Variants in CAMK1 observed in about 807,000 individuals in gnomAD.
CAMK1 encodes calcium/calmodulin-dependent protein kinase type 1.
Under a neutral mutation model 49.1 loss-of-function variants are expected in CAMK1, and 39 were observed. The observed-to-expected ratio is 0.79, with a 90% CI of 0.62 to 1.04. The LOEUF (loss-of-function observed/expected upper bound fraction) is 1.04. CAMK1 is among the 50% of genes least tolerant of loss of function. The pLI is 0.00. For missense variants in CAMK1, 457 were observed against 472.2 expected (o/e 0.97, Z 0.30); for synonymous variants, 192 against 185.2 (o/e 1.04, Z -0.30).
Position 9,763,196 on chromosome 3 carries a change from A to T in CAMK1, c.233T>A (p.Ile78Asn). Residue 78 changes from isoleucine to asparagine, a missense_variant, in exon 4 of 12, where the codon ATT (isoleucine) becomes AAT (asparagine). By Grantham distance (149) the Ile-to-Asn change is moderately radical. Coordinates refer to ENST00000256460, the MANE Select transcript of CAMK1 (RefSeq NM_003656.5). ...CTCATAGATGTCATCCAGGGCTACA[A>T]TGTTGGGGTGCTTGATCCTGAAAGG... ...AVLHKIKHPN[I>N]VALDDIYESG... 3 of 1,613,950 alleles carry T rather than the reference A, an allele frequency of 1.9e-6. No individual in the cohort carries two copies. The highest frequency in any genetic ancestry group is 1.7e-6 in the Non-Finnish European group (2 of 1,180,016).
At chr3:9,763,322 G>C (rs1475236567) in intron 3 of CAMK1, 109 bp from the exon 4 acceptor site, 2 of 1,303,606 alleles carry the variant, frequency 1.5e-6, no homozygotes, top group African/African-American at 3.0e-5. Context: ...GGCCCCAGCA[G>C]TTCAAAGCTG....
At chr3:9,764,914 C>T (rs538796669) in intron 3 of CAMK1, among the ~76,000 whole-genome samples, 72 of 152,120 alleles carry the variant, frequency 4.7e-4, no homozygotes, top group African/African-American at 1.6e-3. Flanking sequence ...TATACAAATC[C>T]CTGTCCTCTC....
intron 1 of CAMK1, 22 bp downstream of exon 1, chr3:9,769,810 G>A (rs1371239016): frequency 6.6e-6 from 1 of 152,336 alleles, no homozygotes; most frequent in Non-Finnish European, 1.5e-5. Context: ...CAGGGGTGCA[G>A]GGATGGGGGG....
chr3:9,760,907 T>C, intron 7 of CAMK1, 139 bp from the exon 8 acceptor site: 2 of 1,261,026 alleles, frequency 1.6e-6, no homozygotes, highest in Non-Finnish European at 2.2e-6. Flanking sequence ...CCCTGCCTGC[T>C]CACTCCTGTT....
chr3:9,758,079 A>G (rs2077672068), intron 10 of CAMK1: 2 of 538,696 alleles, frequency 3.7e-6, no homozygotes, highest in Non-Finnish European at 6.2e-6. Context: ...ATAGAAACAT[A>G]ACTATAATTC....
chr3:9,769,376 T>C (rs1289396339), intron 1 of CAMK1, among the ~76,000 whole-genome samples: 2 of 151,954 alleles, frequency 1.3e-5, no homozygotes, highest in Non-Finnish European at 2.9e-5. Flanking sequence ...ACATCCTCAG[T>C]ACACAATTGT....
intron 8 of CAMK1, 159 bp from the exon 9 acceptor site, chr3:9,759,909 C>T (rs1383674102): frequency 8.4e-7 from 1 of 1,186,116 alleles, no homozygotes; most frequent in Non-Finnish European, 1.2e-6. Context: ...TCTTCAGGCC[C>T]TCCCACCCCG....
intron 7 of CAMK1, chr3:9,760,990 T>C: frequency 1.7e-6 from 1 of 573,406 alleles, no homozygotes; most frequent in Non-Finnish European, 3.0e-6. Context: ...GCACTTGCCA[T>C]TGCTTCTGCC....
intron 2 of CAMK1, chr3:9,766,509 A>C: frequency 2.4e-6 from 1 of 422,102 alleles, no homozygotes; most frequent in Non-Finnish European, 4.1e-6. Context: ...AGAAATGCAA[A>C]ACTTTAGGCC....
At position 9,759,324 on chromosome 3, in the gene CAMK1, G is replaced by C. The variant is rs1015314553; in HGVS notation, c.912+164C>G. On this transcript the variant is annotated intron_variant, in intron 10 of 11. Coordinates refer to ENST00000256460, the MANE Select transcript of CAMK1 (RefSeq NM_003656.5). ...CTCTGGAATAGAGAAGGTGTTGGGA[G>C]TGTTTGTTGAATGAAAGAGTGAATG... The C allele has an allele frequency of 1.9e-6, 3 of 1,577,460 alleles. No individual in the cohort carries two copies. In the Admixed American group the frequency reaches 5.0e-5, roughly 26 times the overall value.
intron 3 of CAMK1, among the ~76,000 whole-genome samples, chr3:9,763,893 G>A (rs1390906125): frequency 6.6e-6 from 1 of 152,188 alleles, no homozygotes; most frequent in Non-Finnish European, 1.5e-5. Context: ...GGCTGAGGCA[G>A]GAGAATTGCT....
chr3:9,760,963 CCCT>C (rs2077836186), intron 7 of CAMK1, 195 bp from the exon 8 acceptor site: 1 of 781,484 alleles, frequency 1.3e-6, no homozygotes, highest in African/African-American at 1.8e-5. Flanking sequence ...CGCCATCTTG[CCCT>C]CCTCAGGGCC....
intron 1 of CAMK1, among the ~76,000 whole-genome samples, chr3:9,769,150 C>G (rs544020424): frequency 2.6e-5 from 4 of 151,946 alleles, no homozygotes; most frequent in African/African-American, 7.3e-5. Flanking sequence ...GCCCTGCACC[C>G]GAACACCTGC....
chr3:9,763,322 G>A lies in CAMK1; in HGVS notation c.216-109C>T, dbSNP rs1475236567. On this transcript the variant is annotated intron_variant, in intron 3 of 11. Transcript: ENST00000256460. ...GCAGGAGGATCACTTGGCCCCAGCAGTTCAAAGCTGCAGTCTGTTATGATT... is the reference window on the plus strand; with the variant it reads ...GCAGGAGGATCACTTGGCCCCAGCAATTCAAAGCTGCAGTCTGTTATGATT... 16 of 1,303,736 alleles carry A rather than the reference G, an allele frequency of 1.2e-5. No individual in the cohort carries two copies. In the East Asian group the frequency reaches 4.0e-4, roughly 33 times the overall value. The allele number at this position is 1,303,736 out of a possible 1,614,324, so 80.8% of individuals were successfully genotyped here.
Position 9,757,833 on chromosome 3 carries a change from G to T in CAMK1, c.926C>A (p.Ala309Asp), listed in dbSNP as rs1473298800. Reference sequence around the variant, plus strand: ...CCTCATGTGCCGCACCACAGCCGTGGCATTGAAGGCTTGCTGGCATTGAAG... The same window carrying T: ...CCTCATGTGCCGCACCACAGCCGTGTCATTGAAGGCTTGCTGGCATTGAAG... ...AKSKWKQAFN[A>D]TAVVRHMRKL... The change falls in exon 11 of 12, where the codon GCC becomes GAC. Residue 309 changes from alanine to aspartate, a missense_variant. By Grantham distance (126) the Ala-to-Asp change is moderately radical. Transcript: ENST00000256460. The surrounding 1 kb of genome is among the most constrained non-coding windows in gnomAD (Gnocchi z 4.5). 2.5e-6 allele frequency: 4 copies of T among 1,606,210 alleles called. No individual in the cohort carries two copies. The African/African-American group carries it at 5.3e-5, about 21-fold the overall frequency.
In CAMK1 at chr3:9,757,701, A is replaced by C; in HGVS notation, c.1030+28T>G. On this transcript the variant is annotated intron_variant, in intron 11 of 11. Transcript: ENST00000256460. This position sits in a 1 kb window ranked among gnomAD's most constrained non-coding sequence, Gnocchi z 4.5. ...CCGGGTGCACCTTTGTGGACCACCC[A>C]TGCCCTTCTGCAGAGCCCGCTCCTC... 1 of 1,614,100 alleles carries C rather than the reference A, an allele frequency of 6.2e-7. No individual in the cohort carries two copies. Among genetic ancestry groups the C allele is most frequent in the Non-Finnish European group, 8.5e-7 (1 of 1,179,988 alleles).
At chr3:9,766,053 C>T (rs139870756) in intron 2 of CAMK1, 163 bp from the exon 3 acceptor site, 2 of 1,594,760 alleles carry the variant, frequency 1.3e-6, no homozygotes, top group Admixed American at 1.8e-5. Flanking sequence ...GGTCACATGA[C>T]CCAGGCCTGG....
chr3:9,759,658 G>A lies in CAMK1; in HGVS notation c.824+14C>T, dbSNP rs1307651028. Reference sequence around the variant, plus strand: ...CAAATCCCGCCCCAGCTCACAGGTTGTGTGAATTCTCACCATGGGTGCTGC... The same window carrying A: ...CAAATCCCGCCCCAGCTCACAGGTTATGTGAATTCTCACCATGGGTGCTGC... On this transcript the variant is annotated intron_variant, in intron 9 of 11. Coordinates refer to ENST00000256460, the MANE Select transcript of CAMK1 (RefSeq NM_003656.5). 3 of 1,614,226 alleles carry A rather than the reference G, an allele frequency of 1.9e-6. No homozygotes were observed. The highest frequency in any genetic ancestry group is 1.7e-5 in the Admixed American group (1 of 60,030).
In CAMK1 at chr3:9,763,218, AAGG is replaced by A; in HGVS notation, c.216-8_216-6del. 1 of 1,613,702 alleles carries A rather than the reference AAGG, an allele frequency of 6.2e-7. No homozygotes were observed. The highest frequency in any genetic ancestry group is 1.1e-5 in the South Asian group (1 of 91,064). On this transcript the variant is annotated splice_region_variant and splice_polypyrimidine_tract_variant and intron_variant, in intron 3 of 11. Transcript: ENST00000256460. The stretch of plus-strand genomic sequence containing the variant: ...ACAATGTTGGGGTGCTTGATCCTGA[AAGG>A]AGAAATGAGGTGGTTTAGCCAGGCA...
Sources: allele counts gnomAD v4.1 joint callset (sites outside exome capture counted in the v4.1 genomes callset), GRCh38; gene constraint gnomAD v4.1.1; non-coding constraint Gnocchi (gnomAD v3.1); transcripts MANE v1.5; gene names NCBI Gene and HGNC (gene_info 2026-07-23, HGNC 2026-07-21).